GYS1: variants seen among roughly 807,000 people sequenced by gnomAD.
GYS1 encodes glycogen synthase 1, also known as glycogen [starch] synthase, muscle.
A neutral mutation model predicts 89.1 loss-of-function variants in GYS1; 60 were observed. The observed-to-expected ratio is 0.67, with a 90% CI of 0.55 to 0.84. The LOEUF (loss-of-function observed/expected upper bound fraction) is 0.84, where lower values mean the gene tolerates loss of function less well. GYS1 is among the 40% of genes least tolerant of loss of function. The probability of loss-of-function intolerance (pLI) is 0.00; values close to 1 mark genes in which losing one functional copy is unlikely to be tolerated. For synonymous variants in GYS1, 366 were observed against 401.7 expected, an observed-to-expected ratio of 0.91 and a Z score of 1.06; for missense variants, 888 against 1,003.1, an observed-to-expected ratio of 0.89 and a Z score of 1.55.
chr19:48,969,033 G>C lies in GYS1; in HGVS notation c.*255C>G, dbSNP rs898266254. On this transcript the variant is annotated 3_prime_UTR_variant, in exon 16 of 16. Transcript: ENST00000323798. Reference sequence around the variant, plus strand: ...GGCAGATTCCTGGCCTCTGGGAAGCGGTCCAGGCCCAGGGGACTCCAGGGC... The same window carrying C: ...GGCAGATTCCTGGCCTCTGGGAAGCCGTCCAGGCCCAGGGGACTCCAGGGC... 1 of 659,526 alleles carries C rather than the reference G, an allele frequency of 1.5e-6. No homozygotes were observed. The highest frequency in any genetic ancestry group is 2.8e-6 in the Non-Finnish European group (1 of 362,750). The allele number at this position is 659,526 out of a possible 1,614,324, so 40.9% of individuals were successfully genotyped here.
At chr19:48,970,230 C>G in intron 14 of GYS1, 2 of 374,544 alleles carry the variant, frequency 5.3e-6, no homozygotes, top group East Asian at 9.6e-5. Flanking sequence ...GCTCAAGCGA[C>G]CCTACCACCT....
chr19:48,981,862 G>A (rs191703168), intron 7 of GYS1, among the ~76,000 whole-genome samples: 64 of 152,036 alleles, frequency 4.2e-4, no homozygotes, highest in African/African-American at 1.4e-3. Flanking sequence ...CTGGCTTCTT[G>A]GGTTTCTGTT....
At chr19:48,987,082 T>C in intron 3 of GYS1, 112 bp downstream of exon 3, 2 of 794,944 alleles carry the variant, frequency 2.5e-6, no homozygotes, top group Non-Finnish European at 4.4e-6. Context: ...AATCCTTGGA[T>C]TAAAGGACCC....
At chr19:48,992,566 TATC>T (rs771414199) in intron 1 of GYS1, among the ~76,000 whole-genome samples, 88 of 141,548 alleles carry the variant, frequency 6.2e-4, no homozygotes, top group Admixed American at 1.5e-3. Context: ...TCAGGCCTCC[TATC>T]TCCCAGTCAG....
At chr19:48,984,243 G>A (rs563224082) in intron 5 of GYS1, among the ~76,000 whole-genome samples, 2 of 152,100 alleles carry the variant, frequency 1.3e-5, no homozygotes, top group African/African-American at 4.8e-5. Flanking sequence ...ATGACCTCAG[G>A]TGATCTGCCC....
intron 8 of GYS1, among the ~76,000 whole-genome samples, chr19:48,979,351 T>C (rs200997963): frequency 9.9e-5 from 2 of 20,162 alleles, no homozygotes; most frequent in African/African-American, 6.9e-4. Flanking sequence ...TTTTTTTTTT[T>C]TTTTTTTTTT....
intron 12 of GYS1, among the ~76,000 whole-genome samples, chr19:48,971,543 T>C (rs1318223593): frequency 6.6e-6 from 1 of 151,544 alleles, no homozygotes; most frequent in Non-Finnish European, 1.5e-5. Context: ...AATTTTTTGA[T>C]GGATTTTTAT....
At chr19:48,977,156 T>G (rs1372514090) in intron 10 of GYS1, among the ~76,000 whole-genome samples, 1 of 151,624 alleles carries the variant, frequency 6.6e-6, no homozygotes, top group Non-Finnish European at 1.5e-5. Context: ...CCCAGGCTGG[T>G]GTACAGTGGC....
In GYS1 at chr19:48,982,722, A is replaced by T; in HGVS notation, c.939T>A (p.Tyr313Ter). ...RIQEFVRGHF[Y>*]GHLDFNLDKT... is the part of the protein sequence containing the mutation. ...ACCTAGGTATATGCCCCACGTACCC[A>T]TAAAAATGGCCCCGCACAAACTCCT... Residue 313 changes from tyrosine to a stop codon, truncating the protein, a stop_gained and splice_region_variant, in exon 6 of 16, where the codon TAT becomes TAA. Transcript: ENST00000323798. LOFTEE classifies it high-confidence loss of function. 1 of 1,601,664 alleles carries T rather than the reference A, an allele frequency of 6.2e-7. No homozygotes were observed. The highest frequency in any genetic ancestry group is 8.6e-7 in the Non-Finnish European group (1 of 1,168,806).
Position 48,993,136 on chromosome 19 carries a change from C to T in GYS1, c.-24G>A, listed in dbSNP as rs1477800975. ...ATGGCTGGCGCAGGAAGGGGGGCTC[C>T]GGGGATCTCCAGGTAGGGACCCCGG... is the stretch of plus-strand genomic sequence containing the variant. On this transcript the variant is annotated 5_prime_UTR_variant, in exon 1 of 16. Transcript: ENST00000323798. The T allele has an allele frequency of 1.5e-6, 2 of 1,347,682 alleles. No homozygotes were observed. The highest frequency in any genetic ancestry group is 2.3e-5 in the South Asian group (2 of 85,810). The allele number at this position is 1,347,682 out of a possible 1,614,324, so 83.5% of individuals were successfully genotyped here.
Position 48,991,507 on chromosome 19 carries a change from CA to C in GYS1, c.119-25del. On this transcript the variant is annotated intron_variant, in intron 1 of 15. Transcript: ENST00000323798. The surrounding 1 kb of genome is among the most constrained non-coding windows in gnomAD (Gnocchi z 4.7). The stretch of plus-strand genomic sequence containing the variant: ...CACTGTGGGCCCAAGCGTGTGAGGG[CA>C]GGCCCCGGCCGAGGTCCATAGTTCT... The C allele has an allele frequency of 1.2e-6, 2 of 1,613,188 alleles. No individual in the cohort carries two copies. The highest frequency in any genetic ancestry group is 1.7e-6 in the Non-Finnish European group (2 of 1,179,572).
At position 48,985,572 on chromosome 19, in the gene GYS1, T is replaced by C; in HGVS notation, c.712A>G (p.Ile238Val). The stretch of plus-strand genomic sequence containing the variant: ...CTTTCCATGCAGTATCGGTGGTAGA[T>C]CTGCCTCTCCCCTGCTTCCTTGTCC... ...NVDKEAGERQIYHRYCMERAA... is the reference protein window; with the variant it reads ...NVDKEAGERQVYHRYCMERAA... Residue 238 changes from isoleucine to valine, a missense_variant, in exon 5 of 16, where the codon ATC becomes GTC. Ile to Val is a conservative substitution (Grantham distance 29). Transcript: ENST00000323798. 1 of 1,614,014 alleles carries C rather than the reference T, an allele frequency of 6.2e-7. No individual in the cohort carries two copies. Among genetic ancestry groups the C allele is most frequent in the Non-Finnish European group, 8.5e-7 (1 of 1,179,924 alleles).
intron 12 of GYS1, among the ~76,000 whole-genome samples, chr19:48,972,978 C>T (rs964024732): frequency 9.2e-5 from 14 of 152,038 alleles, no homozygotes; most frequent in African/African-American, 3.1e-4. Context: ...AAAAAAGAAA[C>T]AAATAGTAAA....
In GYS1 at chr19:48,993,128, G is replaced by T. The variant is rs774665902; in HGVS notation, c.-16C>A. ...TTAAAGGCATGGCTGGCGCAGGAAG[G>T]GGGGCTCCGGGGATCTCCAGGTAGG... On this transcript the variant is annotated 5_prime_UTR_variant, in exon 1 of 16. Coordinates refer to ENST00000323798, the MANE Select transcript of GYS1 (RefSeq NM_002103.5). 11 of 1,399,766 alleles carry T rather than the reference G, an allele frequency of 7.9e-6. No homozygotes were observed. The highest frequency in any genetic ancestry group is 6.7e-5 in the Admixed American group (4 of 59,736). The allele number at this position is 1,399,766 out of a possible 1,614,324, so 86.7% of individuals were successfully genotyped here. A position where few individuals can be genotyped will look rare whatever the true frequency, so the allele number is the denominator to read the frequency against.
In GYS1 at chr19:48,982,246, A is replaced by G; in HGVS notation, c.1062+9T>C. 2.5e-6 allele frequency: 4 copies of G among 1,613,378 alleles called. No homozygotes were observed. Among genetic ancestry groups the G allele is most frequent in the Non-Finnish European group, 2.5e-6 (3 of 1,179,594 alleles). ...TGCCCTCCCTGTCCCCTCATAGCCC[A>G]GGCCTCACTCTGAGCAGATAGTTGA... On this transcript the variant is annotated intron_variant, in intron 7 of 15. Transcript: ENST00000323798.
At chr19:48,986,903 A>G (rs546194058) in intron 3 of GYS1, among the ~76,000 whole-genome samples, 2 of 152,328 alleles carry the variant, frequency 1.3e-5, no homozygotes, top group Admixed American at 1.3e-4. Flanking sequence ...TGAGTCCAGC[A>G]ATATCACACT....
chr19:48,969,990 G>C, intron 14 of GYS1, 135 bp from the exon 15 acceptor site: 1 of 674,424 alleles, frequency 1.5e-6, no homozygotes. Flanking sequence ...CCATCTATCT[G>C]ACTCCACCCC....
At chr19:48,976,079 C>T (rs1264313143) in intron 10 of GYS1, among the ~76,000 whole-genome samples, 1 of 151,976 alleles carries the variant, frequency 6.6e-6, no homozygotes, top group Non-Finnish European at 1.5e-5. Context: ...ACTGTTCCAT[C>T]ATAGCTCATT....
rs1308055171 is a variant in GYS1 at position 48,969,544 on chromosome 19, C to T, written c.1958G>A (p.Ser653Asn). The T allele has an allele frequency of 6.5e-7, 1 of 1,541,180 alleles. No individual in the cohort carries two copies. Among genetic ancestry groups the T allele is most frequent in the Non-Finnish European group, 8.7e-7 (1 of 1,146,876 alleles). Residue 653 changes from serine (S) to asparagine (N), a missense_variant, in exon 16 of 16, where the codon AGC (serine) becomes AAC (asparagine). Physicochemically the swap from Ser to Asn is conservative, Grantham distance 46 (BLOSUM62 1). Coordinates refer to ENST00000323798, the MANE Select transcript of GYS1 (RefSeq NM_002103.5). ...CTCCTCGTCCTCACTCTGGTGCGGG[C>T]TGGAGTGTCGTGACAGCGAGGGCGA... ...PPSPSLSRHS[S>N]PHQSEDEEDP...
Sources: allele counts gnomAD v4.1 joint callset (sites outside exome capture counted in the v4.1 genomes callset), GRCh38; gene constraint gnomAD v4.1.1; non-coding constraint Gnocchi (gnomAD v3.1); transcripts MANE v1.5; gene names NCBI Gene and HGNC (gene_info 2026-07-23, HGNC 2026-07-21).